The following ZNF891 variants were observed in gnomAD, a reference collection of about 807,000 sequenced individuals.
ZNF891 encodes zinc finger protein 891, also known as hCG1646157.
For missense variants in ZNF891, 589 were observed against 632.7 expected (o/e 0.93, Z 0.74); for synonymous variants, 199 against 209.0 (o/e 0.95, Z 0.41).
Position 133,121,592 on chromosome 12 carries a change from T to C in ZNF891, c.327A>G (p.Gln109=). The change falls in exon 2 of 2, where the codon CAA becomes CAG. Residue 109 remains glutamine (Q), a synonymous_variant. Transcript: ENST00000537226. ...GAATCTTCTGGTCTGGACAGATGGC[T>C]TGGGGAATTCTCTTTTTCATATTCC... ...EIRNMKKRIP[Q]AICPDQKIQP... The C allele has an allele frequency of 6.5e-7, 1 of 1,536,576 alleles. No homozygotes were observed. The highest frequency in any genetic ancestry group is 8.7e-7 in the Non-Finnish European group (1 of 1,147,012).
Position 133,112,894 on chromosome 12 carries a change from C to T in ZNF891, c.*7390G>A, listed in dbSNP as rs1283175804. 2 of 151,874 alleles carry T rather than the reference C, an allele frequency of 1.3e-5. No individual in the cohort carries two copies. The highest frequency in any genetic ancestry group is 2.9e-5 in the Non-Finnish European group (2 of 68,024). 9.4% of individuals were successfully genotyped at this position (151,874 alleles called of 1,614,324 possible). On this transcript the variant is annotated 3_prime_UTR_variant, in exon 2 of 2. Transcript: ENST00000537226. ...CTAATACGGTGAAACCCTGTCTCTA[C>T]TAAAAATACAAAAAATTAGCTGGGC...
Position 133,106,167 on chromosome 12 carries a change from G to A in ZNF891, c.*14117C>T, listed in dbSNP as rs201722763. 6.2e-7 allele frequency: 1 copy of A among 1,614,174 alleles called. No individual in the cohort carries two copies. The highest frequency in any genetic ancestry group is 1.3e-5 in the African/African-American group (1 of 75,064). Reference sequence around the variant, plus strand: ...ATTCGCCACCAGATTACACATACTGGAGAGAAACCTTATGAATGCATTGAA... The same window carrying A: ...ATTCGCCACCAGATTACACATACTGAAGAGAAACCTTATGAATGCATTGAA... On this transcript the variant is annotated 3_prime_UTR_variant, in exon 2 of 2. Transcript: ENST00000537226.
rs916148040 is a variant in ZNF891 at position 133,128,388 on chromosome 12, T to C, written c.-107+1839A>G. Among the ~76,000 whole-genome samples, 3 of 152,120 alleles carry C rather than the reference T, an allele frequency of 2.0e-5. No homozygotes were observed. In the East Asian group the frequency reaches 5.8e-4, roughly 29 times the overall value. ...GGCTCACGCCTGTAATCCTAGCACT[T>C]TGGGAGGCCAAGGCGGGCGGATTGC... is the stretch of plus-strand genomic sequence containing the variant. On this transcript the variant is annotated intron_variant, in intron 1 of 1. Transcript: ENST00000537226.
intron 1 of ZNF891, among the ~76,000 whole-genome samples, chr12:133,122,635 T>C (rs1955775963): frequency 6.6e-6 from 1 of 152,202 alleles, no homozygotes; most frequent in African/African-American, 2.4e-5. Flanking sequence ...AAAGAGCTAA[T>C]GCATGCCAGG....
chr12:133,106,248 C>G lies in ZNF891; in HGVS notation c.*14036G>C, dbSNP rs1458559940. 1 of 1,614,190 alleles carries G rather than the reference C, an allele frequency of 6.2e-7. No individual in the cohort carries two copies. Among genetic ancestry groups the G allele is most frequent in the South Asian group, 1.1e-5 (1 of 91,080 alleles). Reference sequence around the variant, plus strand: ...CTTACTCGACATCAGAGCATCCATACAACCAAAACCCCGTATGAATGTAAT... The same window carrying G: ...CTTACTCGACATCAGAGCATCCATAGAACCAAAACCCCGTATGAATGTAAT... On this transcript the variant is annotated 3_prime_UTR_variant, in exon 2 of 2. Transcript: ENST00000537226.
chr12:133,122,857 A>T (rs1955777801), intron 1 of ZNF891, among the ~76,000 whole-genome samples: 1 of 152,212 alleles, frequency 6.6e-6, no homozygotes, highest in South Asian at 2.1e-4. Flanking sequence ...CAAAGGAAGA[A>T]CCATGAACTG....
Position 133,119,178 on chromosome 12 carries a change from C to T in ZNF891, c.*1106G>A, listed in dbSNP as rs1193708260. On this transcript the variant is annotated 3_prime_UTR_variant, in exon 2 of 2. Transcript: ENST00000537226. ...GAGGTTGCAATGAGCCATGACCACA[C>T]CACTGCATTCTAGCCTGAGAGACAG... is the stretch of plus-strand genomic sequence containing the variant. 1 of 151,832 alleles carries T rather than the reference C, an allele frequency of 6.6e-6. No homozygotes were observed. The highest frequency in any genetic ancestry group is 1.5e-5 in the Non-Finnish European group (1 of 68,006). The allele number at this position is 151,832 out of a possible 1,614,324, so 9.4% of individuals were successfully genotyped here.
chr12:133,114,983 G>C lies in ZNF891; in HGVS notation c.*5301C>G, dbSNP rs1955707320. On this transcript the variant is annotated 3_prime_UTR_variant, in exon 2 of 2. Transcript: ENST00000537226. The stretch of plus-strand genomic sequence containing the variant: ...AAACAATATTATTGATTGCAGTATT[G>C]TTATAAAAACTCTGGAGGCAAATGG... 6.6e-6 allele frequency: 1 copy of C among 152,186 alleles called. No homozygotes were observed. Among genetic ancestry groups the C allele is most frequent in the Non-Finnish European group, 1.5e-5 (1 of 68,036 alleles). The allele number at this position is 152,186 out of a possible 1,614,324, so 9.4% of individuals were successfully genotyped here.
Position 133,106,603 on chromosome 12 carries a change from A to C in ZNF891, c.*13681T>G, listed in dbSNP as rs777432624. 5.6e-6 allele frequency: 9 copies of C among 1,606,728 alleles called. No individual in the cohort carries two copies. In the Admixed American group the frequency reaches 1.4e-4, roughly 25 times the overall value. ...CACACACTCTTGACAACCCCTATGA[A>C]TATGAAAATTCATTTAATTACCACT... On this transcript the variant is annotated 3_prime_UTR_variant, in exon 2 of 2. Coordinates refer to ENST00000537226, the MANE Select transcript of ZNF891 (RefSeq NM_001277291.2).
At chr12:133,126,546 C>T (rs1955818115) in intron 1 of ZNF891, among the ~76,000 whole-genome samples, 1 of 149,734 alleles carries the variant, frequency 6.7e-6, no homozygotes, top group African/African-American at 2.5e-5. Context: ...AACACAGTGG[C>T]TTACGCCTGT....
At chr12:133,124,665 A>G (rs1477680870) in intron 1 of ZNF891, among the ~76,000 whole-genome samples, 1 of 150,634 alleles carries the variant, frequency 6.6e-6, no homozygotes, top group East Asian at 2.0e-4. Flanking sequence ...AGGCAATAAA[A>G]TAATATCTTC....
chr12:133,105,923 C>T lies in ZNF891; in HGVS notation c.*14361G>A, dbSNP rs1490853558. The T allele has an allele frequency of 1.9e-6, 3 of 1,614,138 alleles. No individual in the cohort carries two copies. The highest frequency in any genetic ancestry group is 2.5e-6 in the Non-Finnish European group (3 of 1,180,032). ...CCAAATGATACATACTGGAAAGAAA[C>T]CCCATGAGTGTAAGGACTGTAATAA... On this transcript the variant is annotated 3_prime_UTR_variant, in exon 2 of 2. Transcript: ENST00000537226.
In ZNF891 at chr12:133,111,975, A is replaced by G. The variant is rs1955685410; in HGVS notation, c.*8309T>C. On this transcript the variant is annotated 3_prime_UTR_variant, in exon 2 of 2. Transcript: ENST00000537226. ...TTTATACAAAAATGTGATCTTTTTA[A>G]AACAAATAATTTCAATCTCTGAAAA... is the stretch of plus-strand genomic sequence containing the variant. The G allele has an allele frequency of 6.6e-6, 1 of 152,206 alleles. No homozygotes were observed. The highest frequency in any genetic ancestry group is 1.5e-5 in the Non-Finnish European group (1 of 68,028). The allele number at this position is 152,206 out of a possible 1,614,324, so 9.4% of individuals were successfully genotyped here. A position where few individuals can be genotyped will look rare whatever the true frequency, so the allele number is the denominator to read the frequency against.
Position 133,117,005 on chromosome 12 carries a change from C to T in ZNF891, c.*3279G>A, listed in dbSNP as rs1377454887. 3 of 152,220 alleles carry T rather than the reference C, an allele frequency of 2.0e-5. No homozygotes were observed. Among genetic ancestry groups the T allele is most frequent in the African/African-American group, 7.2e-5 (3 of 41,446 alleles). The allele number at this position is 152,220 out of a possible 1,614,324, so 9.4% of individuals were successfully genotyped here. A position where few individuals can be genotyped will look rare whatever the true frequency, so the allele number is the denominator to read the frequency against. Reference sequence around the variant, plus strand: ...ATACCATCTAGTTATACCACTTTCTCCCTCTCTTCCTTGCTATCTTTTATT... The same window carrying T: ...ATACCATCTAGTTATACCACTTTCTTCCTCTCTTCCTTGCTATCTTTTATT... On this transcript the variant is annotated 3_prime_UTR_variant, in exon 2 of 2. Coordinates refer to ENST00000537226, the MANE Select transcript of ZNF891 (RefSeq NM_001277291.2).
In ZNF891 at chr12:133,121,041, G is replaced by A; in HGVS notation, c.878C>T (p.Ala293Val). 6.5e-7 allele frequency: 1 copy of A among 1,535,610 alleles called. No individual in the cohort carries two copies. The highest frequency in any genetic ancestry group is 8.7e-7 in the Non-Finnish European group (1 of 1,146,862). Reference protein sequence around the residue: ...VPNNLHMAQNACECNKDETLC... With the variant: ...VPNNLHMAQNVCECNKDETLC... ...CGTTTCATCTTTATTACATTCACAG[G>A]CATTCTGTGCCATATGCAAATTGTT... Residue 293 changes from alanine to valine, a missense_variant, in exon 2 of 2, where the codon GCC becomes GTC. Coordinates refer to ENST00000537226, the MANE Select transcript of ZNF891 (RefSeq NM_001277291.2).
chr12:133,120,428 G>C lies in ZNF891; in HGVS notation c.1491C>G (p.Phe497Leu), dbSNP rs1455221072. ...PYECKECRKAFSVSSSLRRHV... is the reference protein window; with the variant it reads ...PYECKECRKALSVSSSLRRHV... ...GCCTCCTAAGGGAAGAGGAAACACTGAAGGCTTTCCTACATTCCTTACATT... is the reference window on the plus strand; with the variant it reads ...GCCTCCTAAGGGAAGAGGAAACACTCAAGGCTTTCCTACATTCCTTACATT... Residue 497 changes from phenylalanine (F) to leucine (L), a missense_variant, in exon 2 of 2, where the codon TTC becomes TTG. Coordinates refer to ENST00000537226, the MANE Select transcript of ZNF891 (RefSeq NM_001277291.2). The C allele has an allele frequency of 6.2e-7, 1 of 1,604,450 alleles. No individual in the cohort carries two copies. The highest frequency in any genetic ancestry group is 1.1e-5 in the South Asian group (1 of 90,030).
At position 133,121,696 on chromosome 12, in the gene ZNF891, T is replaced by C. The variant is rs1955762584; in HGVS notation, c.223A>G (p.Asn75Asp). The C allele has an allele frequency of 6.5e-7, 1 of 1,536,394 alleles. No individual in the cohort carries two copies. Among genetic ancestry groups the C allele is most frequent in the Admixed American group, 2.0e-5 (1 of 50,966 alleles). ...RSLYRDVMLE[N>D]YRNLTSVEYQ... ...TCCACGGAGGTGAGATTTCTATAGT[T>C]TTCCAACATCACATCTCTGTACAGA... is the stretch of plus-strand genomic sequence containing the variant. Residue 75 changes from asparagine (N) to aspartate (D), a missense_variant, in exon 2 of 2, where the codon AAC becomes GAC. By Grantham distance (23) the Asn-to-Asp change is conservative. Transcript: ENST00000537226.
intron 1 of ZNF891, 44 bp from the exon 2 acceptor site, chr12:133,122,068 A>G (rs1955768618): frequency 1.1e-5 from 16 of 1,403,524 alleles, no homozygotes; most frequent in Non-Finnish European, 1.5e-5. Flanking sequence ...GAAAGCTGGA[A>G]ACAGGGCCCC....
At position 133,107,166 on chromosome 12, in the gene ZNF891, T is replaced by C. The variant is rs896016582; in HGVS notation, c.*13118A>G. 6.6e-6 allele frequency: 1 copy of C among 152,498 alleles called. No individual in the cohort carries two copies. Among genetic ancestry groups the C allele is most frequent in the East Asian group, 1.9e-4 (1 of 5,206 alleles). 9.4% of individuals were successfully genotyped at this position (152,498 alleles called of 1,614,324 possible). A position where few individuals can be genotyped will look rare whatever the true frequency, so the allele number is the denominator to read the frequency against. The stretch of plus-strand genomic sequence containing the variant: ...CTTCATTTACAATGCAATACTTACA[T>C]TTTAATACTCTTGTAGGAGAAAAAG... On this transcript the variant is annotated 3_prime_UTR_variant, in exon 2 of 2. Transcript: ENST00000537226.
Sources: gnomAD v4.1 joint callset for allele counts (sites outside exome capture counted in the v4.1 genomes callset) on GRCh38, gnomAD v4.1.1 for gene constraint, MANE v1.5 for transcripts, NCBI Gene and HGNC (gene_info 2026-07-23, HGNC 2026-07-21) for gene names.